The following NTRK3 variants were observed in gnomAD, a reference collection of about 807,000 sequenced individuals.
NTRK3 encodes the protein neurotrophic receptor tyrosine kinase 3.
NTRK3 carries 24 observed loss-of-function variants against 91.7 expected under a neutral mutation model. The ratio of observed to expected loss-of-function variants is 0.26; its 90% CI spans 0.19 to 0.37. The LOEUF is 0.37. Among genes scored for constraint, NTRK3 ranks in the 10% least tolerant of loss-of-function variants. The pLI is 1.00. For synonymous variants in NTRK3, 483 were observed against 404.0 expected, an observed-to-expected ratio of 1.20 and a Z score of -2.34; for missense variants, 880 against 1,068.9, an observed-to-expected ratio of 0.82 and a Z score of 2.46.
At chr15:88,082,125 A>G (rs1182322373) in intron 13 of NTRK3, among the ~76,000 whole-genome samples, 3 of 152,074 alleles carry the variant, frequency 2.0e-5, no homozygotes, top group African/African-American at 7.2e-5. Flanking sequence ...AAATACAAAA[A>G]AAATTAGCCA....
intron 14 of NTRK3, among the ~76,000 whole-genome samples, chr15:87,991,739 TG>T (rs2141495970): frequency 6.6e-6 from 1 of 152,276 alleles, no homozygotes; most frequent in Non-Finnish European, 1.5e-5. Flanking sequence ...CTGATTTCAA[TG>T]ATTTGTTTTG....
At chr15:88,172,147 A>AC (rs2045582477) in intron 5 of NTRK3, among the ~76,000 whole-genome samples, 1 of 152,004 alleles carries the variant, frequency 6.6e-6, no homozygotes, top group Admixed American at 6.5e-5. Flanking sequence ...GGCCTCTTGG[A>AC]CCCAAGGCAA....
Position 87,885,743 on chromosome 15 carries a change from TA to T in NTRK3, c.2134-5316del. 4 of 1,255,870 alleles carry T rather than the reference TA, an allele frequency of 3.2e-6. No homozygotes were observed. Among genetic ancestry groups the T allele is most frequent in the East Asian group, 2.9e-5 (1 of 34,160 alleles). The allele number at this position is 1,255,870 out of a possible 1,614,324, so 77.8% of individuals were successfully genotyped here. On this transcript the variant is annotated intron_variant, in intron 17 of 18. Coordinates refer to ENST00000394480, the Ensembl canonical transcript of NTRK3. Reference sequence around the variant, plus strand: ...TCCAGATGGATTAAAGAGCTAAACATAAAAAACAAAACAATAATAATATTAG... The same window carrying T: ...TCCAGATGGATTAAAGAGCTAAACATAAAAACAAAACAATAATAATATTAG...
At chr15:87,912,660 A>C (rs1348469055) in intron 17 of NTRK3, among the ~76,000 whole-genome samples, 2 of 151,954 alleles carry the variant, frequency 1.3e-5, no homozygotes, top group East Asian at 1.9e-4. Context: ...CAATGTATTC[A>C]CCTGTCAAAT....
chr15:87,929,547 C>T, intron 16 of NTRK3, 113 bp from the exon 17 acceptor site: 3 of 1,332,896 alleles, frequency 2.3e-6, no homozygotes, highest in Non-Finnish European at 3.0e-6. Context: ...ATAAAATTTC[C>T]CTTTCCATCC....
intron 17 of NTRK3, among the ~76,000 whole-genome samples, chr15:87,904,588 C>A (rs1211666622): frequency 3.3e-5 from 5 of 152,096 alleles, no homozygotes; most frequent in Admixed American, 3.3e-4. Context: ...GATTCCCAGA[C>A]CGAGGCACAC....
chr15:88,032,926 T>G (rs2142019611), exon 14 of NTRK3: 1 of 1,613,272 alleles, frequency 6.2e-7, no homozygotes, highest in Non-Finnish European at 8.5e-7. Context: ...GGGATGCGAG[T>G]CATGCCAATG....
intron 13 of NTRK3, among the ~76,000 whole-genome samples, chr15:88,122,039 A>T (rs970574057): frequency 6.6e-6 from 1 of 152,236 alleles, no homozygotes; most frequent in Non-Finnish European, 1.5e-5. Flanking sequence ...ATGGGCACCC[A>T]TTGGAATTCC....
chr15:88,020,220 A>G (rs1291074666), intron 14 of NTRK3, among the ~76,000 whole-genome samples: 1 of 152,182 alleles, frequency 6.6e-6, no homozygotes, highest in African/African-American at 2.4e-5. Context: ...AAACAAAAAC[A>G]CAAACAAAAG....
intron 13 of NTRK3, among the ~76,000 whole-genome samples, chr15:88,050,511 GTGTGTA>G (rs1340009457): frequency 8.6e-6 from 1 of 116,532 alleles, no homozygotes; most frequent in Non-Finnish European, 1.8e-5. Flanking sequence ...GTGTGTGTGT[GTGTGTA>G]TGTGTGTGTG....
At chr15:87,937,266 A>G (rs2141991547) in intron 15 of NTRK3, among the ~76,000 whole-genome samples, 1 of 152,380 alleles carries the variant, frequency 6.6e-6, no homozygotes, top group Admixed American at 6.5e-5. Flanking sequence ...TAAACCTGCT[A>G]ATGTAATTAC....
chr15:88,208,175 C>T (rs147922180), intron 3 of NTRK3, among the ~76,000 whole-genome samples: 1 of 152,196 alleles, frequency 6.6e-6, no homozygotes, highest in Non-Finnish European at 1.5e-5. Flanking sequence ...ATCCCCAAGG[C>T]CTCCCAAACA....
At chr15:88,187,688 C>T (rs2047053355) in intron 3 of NTRK3, among the ~76,000 whole-genome samples, 1 of 152,122 alleles carries the variant, frequency 6.6e-6, no homozygotes, top group African/African-American at 2.4e-5. Context: ...GCAAAACAGA[C>T]TTTGCGAGGC....
At chr15:87,983,594 G>A (rs1391555492) in intron 14 of NTRK3, among the ~76,000 whole-genome samples, 1 of 152,160 alleles carries the variant, frequency 6.6e-6, no homozygotes, top group Non-Finnish European at 1.5e-5. Flanking sequence ...CACTTTACAA[G>A]GGAGAAAACT....
intron 14 of NTRK3, among the ~76,000 whole-genome samples, chr15:87,966,000 C>G (rs7183374): frequency 0.032 from 4,818 of 152,044 alleles, 265 homozygotes; most frequent in African/African-American, 0.11. Flanking sequence ...ATCACTTAAG[C>G]CCAGGAGGTG....
intron 17 of NTRK3, chr15:87,908,636 A>C (rs1209961713): frequency 2.5e-6 from 1 of 399,216 alleles, no homozygotes; most frequent in Non-Finnish European, 4.4e-6. Context: ...GGAAGGAAGC[A>C]TGGAAGGATG....
chr15:88,122,446 GAACTTAGGCTA>G (rs1367824461), intron 13 of NTRK3, among the ~76,000 whole-genome samples: 5 of 152,164 alleles, frequency 3.3e-5, no homozygotes, highest in Non-Finnish European at 7.3e-5. Flanking sequence ...GGAGGATGCT[GAACTTAGGCTA>G]GTGGCTGCCT....
chr15:88,125,525 A>G (rs896237998), intron 13 of NTRK3, among the ~76,000 whole-genome samples: 2 of 139,794 alleles, frequency 1.4e-5, no homozygotes, highest in African/African-American at 2.7e-5. Flanking sequence ...AGCTGGGAGT[A>G]TATCTTGAAA....
Position 88,255,893 on chromosome 15 carries a change from C to T in NTRK3, c.248+13G>A. The T allele has an allele frequency of 6.3e-7, 1 of 1,597,558 alleles. No individual in the cohort carries two copies. Among genetic ancestry groups the T allele is most frequent in the South Asian group, 1.1e-5 (1 of 89,690 alleles). ...GCGGGGGAGGCAGGCTGGGGAGCGG[C>T]CGCCTGACTTACATGGAAGTGATAT... On this transcript the variant is annotated intron_variant, in intron 3 of 18. Coordinates refer to ENST00000394480, the Ensembl canonical transcript of NTRK3. The surrounding 1 kb of genome is among the most constrained non-coding windows in gnomAD (Gnocchi z 4.3).
Sources: gnomAD v4.1 joint callset for allele counts (sites outside exome capture counted in the v4.1 genomes callset) on GRCh38, gnomAD v4.1.1 for gene constraint, Gnocchi (gnomAD v3.1) non-coding constraint, MANE v1.5 for transcripts, NCBI Gene and HGNC (gene_info 2026-07-23, HGNC 2026-07-21) for gene names.